Variants in BAIAP2L1 observed in about 807,000 individuals in gnomAD.
The protein encoded by BAIAP2L1 is BAR/IMD domain-containing adapter protein 2-like 1.
A neutral mutation model predicts 66.3 loss-of-function variants in BAIAP2L1; 35 were observed. The ratio of observed to expected loss-of-function variants is 0.53; its 90% CI spans 0.40 to 0.70. The LOEUF is 0.70. Ranked by LOEUF, BAIAP2L1 falls within the 30% of genes least tolerant of loss-of-function variation. BAIAP2L1 has a pLI of 0.00. For missense variants in BAIAP2L1, 622 were observed against 656.9 expected, an observed-to-expected ratio of 0.95 and a Z score of 0.58; for synonymous variants, 269 against 248.7, an observed-to-expected ratio of 1.08 and a Z score of -0.77.
intron 3 of BAIAP2L1, among the ~76,000 whole-genome samples, chr7:98,321,537 C>T (rs1274007215): frequency 6.6e-6 from 1 of 152,154 alleles, no homozygotes; most frequent in Non-Finnish European, 1.5e-5. Context: ...CAATCACGCC[C>T]CCGGGTTTGC....
intron 1 of BAIAP2L1, among the ~76,000 whole-genome samples, chr7:98,393,078 C>T (rs369866566): frequency 0.4 from 51,474 of 128,152 alleles, 12,432 homozygotes; most frequent in Middle Eastern, 0.58. Flanking sequence ...TATGTATACA[C>T]ACACATATAT....
At chr7:98,388,523 C>T (rs1461550015) in intron 1 of BAIAP2L1, among the ~76,000 whole-genome samples, 1 of 152,008 alleles carries the variant, frequency 6.6e-6, no homozygotes, top group East Asian at 1.9e-4. Context: ...CCATGTTTTG[C>T]ATGTTTAAAC....
At chr7:98,399,954 C>CGGGA (rs1411818621) in intron 1 of BAIAP2L1, 1 of 152,006 alleles carries the variant, frequency 6.6e-6, no homozygotes, top group Non-Finnish European at 1.5e-5. Context: ...GGGCGTTTCC[C>CGGGA]GGGAGAACGC....
chr7:98,364,805 C>T lies in BAIAP2L1; in HGVS notation c.52-2373G>A, dbSNP rs1340012551. 4.0e-5 allele frequency among the ~76,000 whole-genome samples: 6 copies of T among 150,992 alleles called. No individual in the cohort carries two copies. The South Asian group carries it at 8.4e-4, about 21-fold the overall frequency. On this transcript the variant is annotated intron_variant, in intron 1 of 13. Transcript: ENST00000005260. ...TTTGCGACCAACCTGGACAACATAT[C>T]GAGACTCCCATCGCTACAAAAAATA...
chr7:98,329,421 C>A (rs1801444403), intron 3 of BAIAP2L1, among the ~76,000 whole-genome samples: 1 of 152,098 alleles, frequency 6.6e-6, no homozygotes, highest in Non-Finnish European at 1.5e-5. Context: ...TTGCAAACTT[C>A]AGGGGGTCAG....
chr7:98,331,802 C>A (rs1319518688), intron 3 of BAIAP2L1, among the ~76,000 whole-genome samples: 1 of 152,058 alleles, frequency 6.6e-6, no homozygotes. Flanking sequence ...GAAAAGAACA[C>A]CTTGCTTCTA....
At chr7:98,386,081 C>T (rs1435016739) in intron 1 of BAIAP2L1, 21 of 1,568,760 alleles carry the variant, frequency 1.3e-5, no homozygotes, top group Non-Finnish European at 1.7e-5. Flanking sequence ...GTCATGATTT[C>T]GATCATCTTC....
At chr7:98,320,396 C>T in intron 3 of BAIAP2L1, 98 bp from the exon 4 acceptor site, 1 of 926,920 alleles carries the variant, frequency 1.1e-6, no homozygotes, top group Non-Finnish European at 1.7e-6. Context: ...AGTGCAAAGG[C>T]ACGATCTTGG....
chr7:98,400,716 G>T, intron 1 of BAIAP2L1, 86 bp downstream of exon 1: 1 of 1,454,088 alleles, frequency 6.9e-7, no homozygotes, highest in South Asian at 1.2e-5. Context: ...GCTGGAGGGA[G>T]GGAAAGTACC....
intron 3 of BAIAP2L1, among the ~76,000 whole-genome samples, chr7:98,325,369 A>G (rs1332319031): frequency 6.7e-6 from 1 of 150,176 alleles, no homozygotes; most frequent in Non-Finnish European, 1.5e-5. Flanking sequence ...CTCTAAAATA[A>G]ATAAATAAAT....
intron 1 of BAIAP2L1, among the ~76,000 whole-genome samples, chr7:98,372,311 C>G (rs1421759937): frequency 6.6e-6 from 1 of 151,970 alleles, no homozygotes; most frequent in African/African-American, 2.4e-5. Context: ...CAGGCTGAGG[C>G]AGGAGAATTG....
At chr7:98,335,309 CATAT>C (rs1562977354) in intron 3 of BAIAP2L1, among the ~76,000 whole-genome samples, 1 of 123,362 alleles carries the variant, frequency 8.1e-6, no homozygotes, top group African/African-American at 2.7e-5. Context: ...GGGGATATTA[CATAT>C]CATACCCTGA....
chr7:98,327,728 C>T (rs1013013199), intron 3 of BAIAP2L1, among the ~76,000 whole-genome samples: 1 of 152,024 alleles, frequency 6.6e-6, no homozygotes, highest in Non-Finnish European at 1.5e-5. Flanking sequence ...CCTTGTTTAG[C>T]ATTTCTGATG....
chr7:98,317,204 T>C lies in BAIAP2L1; in HGVS notation c.486+15A>G. 1 of 1,614,130 alleles carries C rather than the reference T, an allele frequency of 6.2e-7. No homozygotes were observed. Among genetic ancestry groups the C allele is most frequent in the African/African-American group, 1.3e-5 (1 of 75,042 alleles). Reference sequence around the variant, plus strand: ...TCAACAACAAAAGAAAACAAGATATTGTTGAAAAGCTCACCTCAATTTCTT... The same window carrying C: ...TCAACAACAAAAGAAAACAAGATATCGTTGAAAAGCTCACCTCAATTTCTT... On this transcript the variant is annotated intron_variant, in intron 6 of 13. Coordinates refer to ENST00000005260, the MANE Select transcript of BAIAP2L1 (RefSeq NM_018842.5).
At chr7:98,323,669 T>C (rs1430365546) in intron 3 of BAIAP2L1, among the ~76,000 whole-genome samples, 1 of 152,222 alleles carries the variant, frequency 6.6e-6, no homozygotes, top group Non-Finnish European at 1.5e-5. Context: ...TCCCGCAGCA[T>C]GGCGGAGAGG....
At chr7:98,366,352 G>A (rs1193873664) in intron 1 of BAIAP2L1, among the ~76,000 whole-genome samples, 1 of 152,072 alleles carries the variant, frequency 6.6e-6, no homozygotes, top group Non-Finnish European at 1.5e-5. Flanking sequence ...GGGTAGGGAA[G>A]GGAAGCCAGG....
chr7:98,391,609 G>A (rs1803045554), intron 1 of BAIAP2L1, among the ~76,000 whole-genome samples: 1 of 151,786 alleles, frequency 6.6e-6, no homozygotes, highest in East Asian at 1.9e-4. Context: ...TTACTCGGGA[G>A]GCTGAGGCAG....
Position 98,292,098 on chromosome 7 carries a change from C to G in BAIAP2L1, c.*1423G>C, listed in dbSNP as rs1799982870. ...CTCCCAGGAGAAGCAGATGGTAACA[C>G]TGCTGGACCTGGCTGGAAGGAGCCT... On this transcript the variant is annotated 3_prime_UTR_variant, in exon 14 of 14. Transcript: ENST00000005260. 6.4e-6 allele frequency: 1 copy of G among 155,106 alleles called. No individual in the cohort carries two copies. The highest frequency in any genetic ancestry group is 2.4e-5 in the African/African-American group (1 of 41,502). 9.6% of individuals were successfully genotyped at this position (155,106 alleles called of 1,614,324 possible).
chr7:98,341,369 C>T (rs1433852675), intron 3 of BAIAP2L1, among the ~76,000 whole-genome samples: 1 of 132,808 alleles, frequency 7.5e-6, no homozygotes, highest in African/African-American at 2.6e-5. Flanking sequence ...GAAAATCTGA[C>T]AGCCATAAAG....
Sources: gnomAD v4.1 joint callset for allele counts (sites outside exome capture counted in the v4.1 genomes callset) on GRCh38, gnomAD v4.1.1 for gene constraint, MANE v1.5 for transcripts, NCBI Gene and HGNC (gene_info 2026-07-23, HGNC 2026-07-21) for gene names.